ANKAR: variants seen among roughly 807,000 people sequenced by gnomAD.
ANKAR encodes ankyrin and armadillo repeat-containing protein.
Under a neutral mutation model 146.2 loss-of-function variants are expected in ANKAR, and 136 were observed. That is an observed-to-expected ratio of 0.93 (90% CI 0.81 to 1.07). The LOEUF (loss-of-function observed/expected upper bound fraction) is 1.07, where lower values mean the gene tolerates loss of function less well. ANKAR is among the 50% of genes least tolerant of loss of function. The pLI is 0.00. For synonymous variants in ANKAR, 500 were observed against 575.8 expected (o/e 0.87, Z 1.88); for missense variants, 1,567 against 1,679.9 (o/e 0.93, Z 1.18).
chr2:189,741,109 A>G (rs1258595647), intron 19 of ANKAR, among the ~76,000 whole-genome samples: 3 of 152,208 alleles, frequency 2.0e-5, no homozygotes, highest in African/African-American at 2.4e-5. Context: ...TAATTTTCAA[A>G]TTTTTCACCC....
intron 9 of ANKAR, among the ~76,000 whole-genome samples, chr2:189,708,938 C>T (rs1392729683): frequency 1.3e-5 from 2 of 152,018 alleles, no homozygotes; most frequent in Non-Finnish European, 2.9e-5. Context: ...CCTGTCTCTA[C>T]TAAAAATACA....
At chr2:189,698,498 C>T (rs2037580057) in intron 7 of ANKAR, among the ~76,000 whole-genome samples, 2 of 152,066 alleles carry the variant, frequency 1.3e-5, no homozygotes, top group Non-Finnish European at 2.9e-5. Context: ...TAGACTTAAC[C>T]TCAATGTTGG....
In ANKAR at chr2:189,730,581, C is replaced by T. The variant is rs1474915694; in HGVS notation, c.3280C>T (p.His1094Tyr). The T allele has an allele frequency of 1.9e-6, 3 of 1,585,212 alleles. No individual in the cohort carries two copies. The highest frequency in any genetic ancestry group is 2.6e-6 in the Non-Finnish European group (3 of 1,159,274). The part of the protein sequence containing the change: ...FPVLIQLLRN[H>Y]PSPNIKVEVA... ...AGTACTTATCCAACTACTAAGAAAT[C>T]ACCCTTCTCCTAACATTAAGGTATA... is the stretch of plus-strand genomic sequence containing the variant. Residue 1094 changes from histidine to tyrosine, a missense_variant, in exon 16 of 23, where the codon CAC becomes TAC. By Grantham distance (83) the His-to-Tyr change is moderately conservative (BLOSUM62 2). Transcript: ENST00000684021.
chr2:189,754,009 C>T (rs746018228), intron 18 of ANKAR: 31 of 1,613,542 alleles, frequency 1.9e-5, no homozygotes, highest in Middle Eastern at 3.3e-4. Context: ...CCATTGTGTG[C>T]TGTACTGTGG....
At chr2:189,750,784 T>C, downstream of ANKAR, 1 of 612,858 alleles carries the variant, frequency 1.6e-6, no homozygotes, top group Non-Finnish European at 2.7e-6. Flanking sequence ...GTGGTGATGA[T>C]TCTTAAATAC....
In ANKAR at chr2:189,715,109, T is replaced by TA. The variant is rs532513791; in HGVS notation, c.2224+3957dup. 9.2e-5 allele frequency among the ~76,000 whole-genome samples: 14 copies of TA among 151,782 alleles called. No individual in the cohort carries two copies. In the East Asian group the frequency reaches 2.7e-3, roughly 29 times the overall value. ...AAGATCAGAGCAGAACTGAAGGAGA[T>TA]AGAGACACAAAAAACCTTCAAAATA... On this transcript the variant is annotated intron_variant, in intron 10 of 22. Transcript: ENST00000684021.
At position 189,730,490 on chromosome 2, in the gene ANKAR, T is replaced by TA. The variant is rs775097720; in HGVS notation, c.3194-4dup. On this transcript the variant is annotated splice_polypyrimidine_tract_variant and splice_region_variant and intron_variant, in intron 15 of 22. Coordinates refer to ENST00000684021, the MANE Select transcript of ANKAR (RefSeq NM_001378068.1). ...ATATTACCTCACTGGCGTGGACTCT[T>TA]ACAGGTGTAGCCCATACAAGCAATC... 7 of 1,559,110 alleles carry TA rather than the reference T, an allele frequency of 4.5e-6. No individual in the cohort carries two copies. The East Asian group carries it at 1.1e-4, about 25-fold the overall frequency.
chr2:189,719,930 C>A (rs1016530235), intron 11 of ANKAR, 117 bp downstream of exon 11: 5 of 1,175,114 alleles, frequency 4.3e-6, no homozygotes, highest in Non-Finnish European at 5.7e-6. Flanking sequence ...AAGAATACAG[C>A]AGGGAAAAGG....
chr2:189,757,165 T>C (rs890189411), intron 18 of ANKAR, among the ~76,000 whole-genome samples: 4 of 152,332 alleles, frequency 2.6e-5, no homozygotes, highest in African/African-American at 9.6e-5. Context: ...GGCTTGAAGC[T>C]ATAGCCAAGA....
chr2:189,738,541 T>G (rs2043054759), intron 18 of ANKAR, 24 bp from the exon 19 acceptor site: 13 of 1,394,036 alleles, frequency 9.3e-6, no homozygotes, highest in Non-Finnish European at 1.2e-5. Context: ...GTTCAAAGAC[T>G]CTCTGCTTCT....
chr2:189,748,506 T>C (rs2044525513), downstream of ANKAR, among the ~76,000 whole-genome samples: 2 of 152,260 alleles, frequency 1.3e-5, no homozygotes, highest in Non-Finnish European at 2.9e-5. Flanking sequence ...TGAGCTACCA[T>C]GCAAAGTTTG....
chr2:189,692,384 C>T lies in ANKAR; in HGVS notation c.1169C>T (p.Thr390Ile), dbSNP rs775864649. ...VHGGIEFDISTPSIENALEDF... is the reference protein window; with the variant it reads ...VHGGIEFDISIPSIENALEDF... Reference sequence around the variant, plus strand: ...GGAGGAATTGAATTTGATATCAGCACCCCTTCAATTGAGAATGCCTTGGAA... The same window carrying T: ...GGAGGAATTGAATTTGATATCAGCATCCCTTCAATTGAGAATGCCTTGGAA... Residue 390 changes from threonine (T) to isoleucine (I), a missense_variant, in exon 4 of 23, where the codon ACC becomes ATC. By Grantham distance (89) the Thr-to-Ile change is moderately conservative. Coordinates refer to ENST00000684021, the MANE Select transcript of ANKAR (RefSeq NM_001378068.1). 2 of 1,612,710 alleles carry T rather than the reference C, an allele frequency of 1.2e-6. No individual in the cohort carries two copies. The highest frequency in any genetic ancestry group is 1.7e-5 in the Admixed American group (1 of 59,730).
intron 7 of ANKAR, among the ~76,000 whole-genome samples, chr2:189,697,866 G>A (rs893290580): frequency 7.0e-6 from 1 of 142,974 alleles, no homozygotes. Flanking sequence ...CATTTGGGGG[G>A]CAGAGTTTCC....
chr2:189,728,788 A>T lies in ANKAR; in HGVS notation c.3160A>T (p.Ser1054Cys). ...TACGATTGCTGAAGGCACACTTCTC[A>T]GTGTCATCAGAGCAGTGGGATCCAT... ...ISTIAEGTLL[S>C]VIRAVGSICI... The change falls in exon 15 of 23, where the codon AGT becomes TGT. Residue 1054 changes from serine (S) to cysteine (C), a missense_variant. Ser to Cys is a moderately radical substitution (Grantham distance 112). Transcript: ENST00000684021. 1 of 1,614,006 alleles carries T rather than the reference A, an allele frequency of 6.2e-7. No individual in the cohort carries two copies. The highest frequency in any genetic ancestry group is 1.1e-5 in the South Asian group (1 of 91,070).
chr2:189,684,200 G>A (rs1351970523), intron 2 of ANKAR, among the ~76,000 whole-genome samples: 2 of 152,182 alleles, frequency 1.3e-5, no homozygotes, highest in South Asian at 2.1e-4. Context: ...CGAGTAATGT[G>A]AGTTGGGTTG....
At chr2:189,718,060 C>A in intron 10 of ANKAR, among the ~76,000 whole-genome samples, 1 of 148,772 alleles carries the variant, frequency 6.7e-6, no homozygotes, top group East Asian at 2.0e-4. Context: ...ACATTGTGCA[C>A]GTGTACCCTA....
downstream of ANKAR, among the ~76,000 whole-genome samples, chr2:189,747,651 C>T (rs1342682981): frequency 6.6e-6 from 1 of 152,134 alleles, no homozygotes; most frequent in Non-Finnish European, 1.5e-5. Context: ...AGATATGATA[C>T]AAACACCTGG....
chr2:189,699,769 C>T (rs1331659937), intron 7 of ANKAR, among the ~76,000 whole-genome samples: 1 of 152,122 alleles, frequency 6.6e-6, no homozygotes, highest in Admixed American at 6.5e-5. Context: ...TGGGTTCAAG[C>T]GATTCTCCCA....
At chr2:189,696,082 G>C in intron 6 of ANKAR, 68 bp from the exon 7 acceptor site, 4 of 1,380,150 alleles carry the variant, frequency 2.9e-6, no homozygotes, top group Non-Finnish European at 4.1e-6. Context: ...TACACTTCAT[G>C]TATTTTTTTC....
Sources: allele counts gnomAD v4.1 joint callset (sites outside exome capture counted in the v4.1 genomes callset), GRCh38; gene constraint gnomAD v4.1.1; transcripts MANE v1.5; gene names NCBI Gene and HGNC (gene_info 2026-07-23, HGNC 2026-07-21).